SMG6: variants seen among roughly 807,000 people sequenced by gnomAD.
SMG6 encodes SMG6 nonsense mediated mRNA decay factor, also known as telomerase-binding protein EST1A.
SMG6 carries 66 observed loss-of-function variants against 142.2 expected under a neutral mutation model. That is an observed-to-expected ratio of 0.46 (90% CI 0.38 to 0.57). The LOEUF is 0.57. SMG6 is among the 20% of genes least tolerant of loss of function. The pLI is 0.00. For synonymous variants in SMG6, 779 were observed against 702.4 expected, an observed-to-expected ratio of 1.11 and a Z score of -1.72; for missense variants, 1,793 against 1,832.0, an observed-to-expected ratio of 0.98 and a Z score of 0.39.
intron 1 of SMG6, among the ~76,000 whole-genome samples, chr17:2,301,084 TCTAA>T (rs2075268718): frequency 6.6e-6 from 1 of 152,224 alleles, no homozygotes; most frequent in Non-Finnish European, 1.5e-5. Context: ...TTCTTCCGCC[TCTAA>T]CTTTTTCCTG....
chr17:2,152,044 C>G (rs114993389), intron 13 of SMG6, among the ~76,000 whole-genome samples: 1 of 152,208 alleles, frequency 6.6e-6, no homozygotes, highest in African/African-American at 2.4e-5. Flanking sequence ...GAATATACTA[C>G]GGGCAAGAAG....
intron 13 of SMG6, among the ~76,000 whole-genome samples, chr17:2,103,811 A>C (rs2069077874): frequency 6.6e-6 from 1 of 152,176 alleles, no homozygotes; most frequent in South Asian, 2.1e-4. Flanking sequence ...TCATCACCGG[A>C]TCTAAAGTCA....
rs781494031 is a variant in SMG6, at chr17:2,085,128, G to A, written c.3534+597C>T. 2.4e-4 allele frequency among the ~76,000 whole-genome samples: 37 copies of A among 151,624 alleles called. No individual in the cohort carries two copies. Among genetic ancestry groups the A allele is most frequent in the South Asian group, 6.3e-4 (3 of 4,792 alleles). ...GGCTCATGCATGTGCATGCGCGTGC[G>A]CACACACACACACAGACGCGCACAC... On this transcript the variant is annotated intron_variant, in intron 14 of 18. Transcript: ENST00000263073. The surrounding 1 kb of genome is among the most constrained non-coding windows in gnomAD (Gnocchi z 4.1).
intron 13 of SMG6, among the ~76,000 whole-genome samples, chr17:2,146,735 T>C (rs2070680863): frequency 6.6e-6 from 1 of 152,100 alleles, no homozygotes; most frequent in South Asian, 2.1e-4. Flanking sequence ...CCGGCTAAGT[T>C]TTGTATTTTT....
chr17:2,224,235 G>T lies in SMG6; in HGVS notation c.2869+12257C>A, dbSNP rs188966327. Among the ~76,000 whole-genome samples the T allele has an allele frequency of 2.0e-3, 312 of 152,264 alleles. 2 individuals carry two copies. The highest frequency in any genetic ancestry group is 6.7e-3 in the African/African-American group (278 of 41,550). ...AACTCGAGCTTTGCTTTCCAAGGCT[G>T]CATGGACACAGCCAAGATCCTTATC... On this transcript the variant is annotated intron_variant, in intron 10 of 18. Coordinates refer to ENST00000263073, the MANE Select transcript of SMG6 (RefSeq NM_017575.5).
intron 13 of SMG6, chr17:2,117,895 T>G (rs1281258712): frequency 6.6e-6 from 1 of 152,204 alleles, no homozygotes; most frequent in Non-Finnish European, 1.5e-5. Context: ...TGATATAACT[T>G]GATATCCATA....
chr17:2,093,235 G>A (rs1031953009), intron 13 of SMG6, among the ~76,000 whole-genome samples: 2 of 151,366 alleles, frequency 1.3e-5, no homozygotes, highest in Non-Finnish European at 2.9e-5. Flanking sequence ...GCAACATAGT[G>A]AGACTGTGTC....
intron 6 of SMG6, among the ~76,000 whole-genome samples, chr17:2,289,020 A>G (rs1024810496): frequency 1.7e-4 from 26 of 148,682 alleles, no homozygotes; most frequent in Admixed American, 1.7e-3. Context: ...TGGAGCTCGC[A>G]GTGAGCCGAG....
rs188886118 is a variant in SMG6 at position 2,145,202 on chromosome 17, C to T, written c.3357+27456G>A. Among the ~76,000 whole-genome samples, 349 of 152,150 alleles carry T rather than the reference C, an allele frequency of 2.3e-3. 1 individual carries two copies. The highest frequency in any genetic ancestry group is 7.7e-3 in the African/African-American group (320 of 41,508). The stretch of plus-strand genomic sequence containing the variant: ...GAAATCGGTTCACTGCAACATCTAC[C>T]TCCTGGGTTCAAGCGATTCTCATGC... On this transcript the variant is annotated intron_variant, in intron 13 of 18. Coordinates refer to ENST00000263073, the MANE Select transcript of SMG6 (RefSeq NM_017575.5).
chr17:2,103,181 T>C (rs1442631284), intron 13 of SMG6, among the ~76,000 whole-genome samples: 3 of 152,214 alleles, frequency 2.0e-5, no homozygotes, highest in East Asian at 3.9e-4. Flanking sequence ...TTTCCATTCT[T>C]ACAGGTTTCT....
intron 13 of SMG6, among the ~76,000 whole-genome samples, chr17:2,135,270 T>C (rs945496812): frequency 6.6e-6 from 1 of 152,232 alleles, no homozygotes; most frequent in Admixed American, 6.5e-5. Flanking sequence ...TGTGGAACAA[T>C]CAAATTGGAC....
chr17:2,299,279 G>A lies in SMG6; in HGVS notation c.1474C>T (p.Arg492Cys), dbSNP rs376396697. The A allele has an allele frequency of 6.7e-5, 108 of 1,613,990 alleles. No individual in the cohort carries two copies. Among genetic ancestry groups the A allele is most frequent in the Non-Finnish European group, 8.6e-5 (102 of 1,180,034 alleles). ...TTATAGTAAGATGCCTGAGCCTGGC[G>A]TGAGTCACCCCAAGATGTAGGGCTG... ...EVSPTSWGDSRQAQASYYKFQ... is the reference protein window; with the variant it reads ...EVSPTSWGDSCQAQASYYKFQ... Residue 492 changes from arginine (R) to cysteine (C), a missense_variant, in exon 2 of 19, where the codon CGC (arginine) becomes TGC (cysteine). Physicochemically the swap from Arg to Cys is radical, Grantham distance 180. Transcript: ENST00000263073. The surrounding 1 kb of genome is among the most constrained non-coding windows in gnomAD (Gnocchi z 4.3).
At chr17:2,302,161 G>C (rs1266704863) in intron 1 of SMG6, among the ~76,000 whole-genome samples, 1 of 152,202 alleles carries the variant, frequency 6.6e-6, no homozygotes, top group Non-Finnish European at 1.5e-5. Flanking sequence ...GCTGAGGTGG[G>C]AGGATCACTT....
chr17:2,264,937 T>G (rs530390582), intron 8 of SMG6, among the ~76,000 whole-genome samples: 1 of 151,934 alleles, frequency 6.6e-6, no homozygotes, highest in Non-Finnish European at 1.5e-5. Flanking sequence ...AATCTTGTAT[T>G]CCACCCTACT....
intron 13 of SMG6, among the ~76,000 whole-genome samples, chr17:2,134,625 G>A (rs1479492357): frequency 6.6e-6 from 1 of 151,976 alleles, no homozygotes; most frequent in Non-Finnish European, 1.5e-5. Context: ...ATGAAAGGAG[G>A]CTGTTTATAA....
Position 2,065,149 on chromosome 17 carries a change from G to C in SMG6, c.4053C>G (p.Asn1351Lys), listed in dbSNP as rs376510353. The C allele has an allele frequency of 2.3e-5, 37 of 1,613,266 alleles. No individual in the cohort carries two copies. Among genetic ancestry groups the C allele is most frequent in the Non-Finnish European group, 2.8e-5 (33 of 1,179,458 alleles). ...RSEDITGQLG[N>K]NDDLILSCCL... Reference sequence around the variant, plus strand: ...AGCAGGACAGGATGAGATCATCGTTGTTACCCTGGAGGAAGACGTGTGTGA... The same window carrying C: ...AGCAGGACAGGATGAGATCATCGTTCTTACCCTGGAGGAAGACGTGTGTGA... The change falls in exon 18 of 19, where the codon AAC becomes AAG. Residue 1351 changes from asparagine to lysine, a missense_variant. Transcript: ENST00000263073.
chr17:2,122,144 T>C (rs2151521224), intron 13 of SMG6, among the ~76,000 whole-genome samples: 1 of 151,592 alleles, frequency 6.6e-6, no homozygotes, highest in East Asian at 1.9e-4. Flanking sequence ...GAAGAAAAAA[T>C]GGATGGATGG....
chr17:2,146,302 C>A (rs2070666561), intron 13 of SMG6, among the ~76,000 whole-genome samples: 1 of 152,158 alleles, frequency 6.6e-6, no homozygotes, highest in South Asian at 2.1e-4. Context: ...CAATGCTGAG[C>A]AGACTTTGTG....
intron 15 of SMG6, among the ~76,000 whole-genome samples, chr17:2,076,504 C>T (rs1490027549): frequency 2.0e-5 from 3 of 152,190 alleles, no homozygotes; most frequent in Admixed American, 2.0e-4. Flanking sequence ...CCCCGTGGTT[C>T]TGGGCAGGAA....
Sources: gnomAD v4.1 joint callset for allele counts (sites outside exome capture counted in the v4.1 genomes callset) on GRCh38, gnomAD v4.1.1 for gene constraint, Gnocchi (gnomAD v3.1) non-coding constraint, MANE v1.5 for transcripts, NCBI Gene and HGNC (gene_info 2026-07-23, HGNC 2026-07-21) for gene names.